The following GGPS1 variants were observed in gnomAD, a reference collection of about 807,000 sequenced individuals.
The protein encoded by GGPS1 is geranylgeranyl pyrophosphate synthase.
Under a neutral mutation model 28.1 loss-of-function variants are expected in GGPS1, and 15 were observed. The observed-to-expected ratio is 0.53, with a 90% CI of 0.36 to 0.82. The LOEUF (loss-of-function observed/expected upper bound fraction) is 0.82. Ranked by LOEUF, GGPS1 falls within the 40% of genes least tolerant of loss-of-function variation. The pLI is 0.01. For synonymous variants in GGPS1, 138 were observed against 122.4 expected (o/e 1.13, Z -0.84); for missense variants, 284 against 348.3 (o/e 0.82, Z 1.47).
At chr1:235,339,911 T>C (rs1675980922) in intron 2 of GGPS1, among the ~76,000 whole-genome samples, 1 of 152,226 alleles carries the variant, frequency 6.6e-6, no homozygotes, top group South Asian at 2.1e-4. Context: ...GCCATGGTTT[T>C]TATCTATCAT....
intron 2 of GGPS1, among the ~76,000 whole-genome samples, chr1:235,338,252 G>A (rs1024375598): frequency 2.0e-5 from 3 of 151,550 alleles, no homozygotes; most frequent in Non-Finnish European, 2.9e-5. Flanking sequence ...CATGTGATAC[G>A]CCCTTGTAGT....
In GGPS1 at chr1:235,342,322, A is replaced by G. The variant is rs771776334; in HGVS notation, c.453A>G (p.Lys151=). 36 of 1,613,966 alleles carry G rather than the reference A, an allele frequency of 2.2e-5. No individual in the cohort carries two copies. Among genetic ancestry groups the G allele is most frequent in the Non-Finnish European group, 2.7e-5 (32 of 1,179,898 alleles). The change falls in exon 4 of 4, where the codon AAA becomes AAG. Residue 151 remains lysine, a synonymous_variant. Transcript: ENST00000282841. The stretch of plus-strand genomic sequence containing the variant: ...AATATAAAGCTATGGTGCTGCAGAA[A>G]ACAGGTGGACTGTTTGGATTAGCAG... The part of the protein sequence containing the change: ...EEEYKAMVLQ[K]TGGLFGLAVG...
At chr1:235,331,197 T>C (rs1675705865) in intron 1 of GGPS1, among the ~76,000 whole-genome samples, 1 of 152,216 alleles carries the variant, frequency 6.6e-6, no homozygotes, top group Admixed American at 6.5e-5. Context: ...TAATTGTTAG[T>C]CAAGATGGAT....
rs1676050736 is a variant in GGPS1 at position 235,341,742 on chromosome 1, T to A, written c.105T>A (p.Phe35Leu). The A allele has an allele frequency of 6.2e-7, 1 of 1,602,698 alleles. No individual in the cohort carries two copies. Among genetic ancestry groups the A allele is most frequent in the Non-Finnish European group, 8.5e-7 (1 of 1,169,714 alleles). The change falls in exon 3 of 4, where the codon TTT (phenylalanine) becomes TTA (leucine). Residue 35 changes from phenylalanine (F) to leucine (L), a missense_variant. Phe to Leu is a conservative substitution (Grantham distance 22). Coordinates refer to ENST00000282841, the MANE Select transcript of GGPS1 (RefSeq NM_004837.4). The stretch of plus-strand genomic sequence containing the variant: ...TGAGAACCAAACTTTCACAGGCATT[T>A]AATCATTGGCTGAAAGTTCCAGAGG... ...KQVRTKLSQA[F>L]NHWLKVPEDK...
chr1:235,339,732 C>T (rs1311969814), intron 2 of GGPS1, among the ~76,000 whole-genome samples: 2 of 150,436 alleles, frequency 1.3e-5, no homozygotes, highest in African/African-American at 4.9e-5. Flanking sequence ...TGCACTCTAG[C>T]CTGGGTGACA....
rs536294921 is a variant in GGPS1, at chr1:235,339,644, C to T, written c.71-2064C>T. Among the ~76,000 whole-genome samples, 3 of 151,850 alleles carry T rather than the reference C, an allele frequency of 2.0e-5. No individual in the cohort carries two copies. The South Asian group carries it at 6.2e-4, about 32-fold the overall frequency. On this transcript the variant is annotated intron_variant, in intron 2 of 3. Coordinates refer to ENST00000282841, the MANE Select transcript of GGPS1 (RefSeq NM_004837.4). ...GTGTGGTGGCAGGTGCCTGTAATCC[C>T]AGCTACTTGGGAGGCTGAGGCAGGA...
At chr1:235,338,403 A>C (rs1675929737) in intron 2 of GGPS1, among the ~76,000 whole-genome samples, 2 of 151,858 alleles carry the variant, frequency 1.3e-5, no homozygotes, top group Admixed American at 1.3e-4. Context: ...AGGGGGGGAA[A>C]CTTAAAAGCA....
intron 2 of GGPS1, 92 bp downstream of exon 2, chr1:235,335,426 C>A: frequency 3.3e-6 from 2 of 602,278 alleles, no homozygotes; most frequent in Non-Finnish European, 3.0e-6. Flanking sequence ...ACTTGCTAGC[C>A]GTTGAGATTT....
intron 2 of GGPS1, among the ~76,000 whole-genome samples, chr1:235,337,338 T>C (rs1675901400): frequency 6.6e-6 from 1 of 152,220 alleles, no homozygotes; most frequent in Non-Finnish European, 1.5e-5. Context: ...GACTTCCTTT[T>C]TTTTAATTCT....
chr1:235,330,367 C>T (rs1173891256), intron 1 of GGPS1: 1 of 152,282 alleles, frequency 6.6e-6, no homozygotes, highest in Non-Finnish European at 1.5e-5. Context: ...CGCCTGTAGT[C>T]CCAGCTACTC....
intron 1 of GGPS1, chr1:235,330,211 G>C (rs150077224): frequency 2.0e-5 from 3 of 152,270 alleles, no homozygotes; most frequent in Admixed American, 1.3e-4. Context: ...GCGGCTGGGC[G>C]TGGTGGCTCA....
chr1:235,335,917 C>T (rs1675848997), intron 2 of GGPS1, among the ~76,000 whole-genome samples: 1 of 152,212 alleles, frequency 6.6e-6, no homozygotes, highest in Non-Finnish European at 1.5e-5. Flanking sequence ...TTTCCAGTAT[C>T]TCACACATAC....
intron 2 of GGPS1, among the ~76,000 whole-genome samples, chr1:235,336,117 G>T (rs1675855037): frequency 6.6e-6 from 1 of 152,240 alleles, no homozygotes. Flanking sequence ...TGGAGGCTGG[G>T]CGTGGTGGCT....
At chr1:235,332,022 G>A (rs1675731864) in intron 1 of GGPS1, among the ~76,000 whole-genome samples, 1 of 152,166 alleles carries the variant, frequency 6.6e-6, no homozygotes, top group African/African-American at 2.4e-5. Flanking sequence ...CTGGAAAAGT[G>A]GAATGCTAGC....
chr1:235,332,422 A>G (rs1675743630), intron 1 of GGPS1, among the ~76,000 whole-genome samples: 1 of 150,396 alleles, frequency 6.6e-6, no homozygotes, highest in Non-Finnish European at 1.5e-5. Context: ...TGGCTGAGTA[A>G]TCATTCGTTG....
chr1:235,340,138 C>CA (rs928261203), intron 2 of GGPS1, among the ~76,000 whole-genome samples: 37 of 151,352 alleles, frequency 2.4e-4, no homozygotes, highest in African/African-American at 9.0e-4. Flanking sequence ...GTCTCAAAAA[C>CA]AAAAAACAAA....
chr1:235,343,769 G>A lies in GGPS1; in HGVS notation c.*997G>A, dbSNP rs993889117. 6.0e-6 allele frequency: 1 copy of A among 166,802 alleles called. No individual in the cohort carries two copies. Among genetic ancestry groups the A allele is most frequent in the Non-Finnish European group, 1.5e-5 (1 of 68,064 alleles). 10.3% of individuals were successfully genotyped at this position (166,802 alleles called of 1,614,324 possible). ...GGTACAGCATTCCCTTTCCAATTGG[G>A]AAGCGGAAAAAGAGAGTATGGGATA... On this transcript the variant is annotated 3_prime_UTR_variant, in exon 4 of 4. Coordinates refer to ENST00000282841, the MANE Select transcript of GGPS1 (RefSeq NM_004837.4).
intron 2 of GGPS1, among the ~76,000 whole-genome samples, chr1:235,335,552 GGGAGGCTGAGGCA>G (rs1331325914): frequency 9.4e-4 from 143 of 152,266 alleles, no homozygotes; most frequent in African/African-American, 3.3e-3. Flanking sequence ...CCACCTACTT[GGGAGGCTGAGGCA>G]GGAGGATGGC....
At chr1:235,330,222 C>G (rs1028150444) in intron 1 of GGPS1, 1 of 152,232 alleles carries the variant, frequency 6.6e-6, no homozygotes, top group African/African-American at 2.4e-5. Flanking sequence ...TGGTGGCTCA[C>G]GCTTGTAATC....
Sources: allele counts gnomAD v4.1 joint callset (sites outside exome capture counted in the v4.1 genomes callset), GRCh38; gene constraint gnomAD v4.1.1; transcripts MANE v1.5; gene names NCBI Gene and HGNC (gene_info 2026-07-23, HGNC 2026-07-21).